The following H6PD variants were observed in gnomAD, a reference collection of about 807,000 sequenced individuals.
H6PD encodes hexose-6-phosphate dehydrogenase/glucose 1-dehydrogenase, also known as GDH/6PGL endoplasmic bifunctional protein.
A neutral mutation model predicts 61.2 loss-of-function variants in H6PD; 48 were observed. The ratio of observed to expected loss-of-function variants is 0.78; its 90% CI spans 0.62 to 1.00. The LOEUF (loss-of-function observed/expected upper bound fraction) is 1.00, where lower values mean the gene tolerates loss of function less well. Among genes scored for constraint, H6PD ranks in the 50% least tolerant of loss-of-function variants. The pLI, the probability that H6PD is intolerant of heterozygous loss-of-function variation, is 0.00. For synonymous variants in H6PD, 480 were observed against 457.9 expected, an observed-to-expected ratio of 1.05 and a Z score of -0.62; for missense variants, 1,093 against 1,065.0, an observed-to-expected ratio of 1.03 and a Z score of -0.37.
intron 1 of H6PD, among the ~76,000 whole-genome samples, chr1:9,239,255 C>T (rs900224945): frequency 5.3e-5 from 8 of 152,138 alleles, no homozygotes; most frequent in African/African-American, 1.9e-4. Context: ...CCATGTTGCC[C>T]AGGCTGGTCT....
intron 3 of H6PD, among the ~76,000 whole-genome samples, chr1:9,258,400 T>G (rs1641593610): frequency 6.6e-6 from 1 of 152,158 alleles, no homozygotes; most frequent in African/African-American, 2.4e-5. Flanking sequence ...CCCAGTGTTG[T>G]TATGTTGTTA....
chr1:9,262,768 T>C (rs1352684014), intron 4 of H6PD, among the ~76,000 whole-genome samples: 1 of 152,166 alleles, frequency 6.6e-6, no homozygotes, highest in East Asian at 1.9e-4. Context: ...AGAGGCTGGC[T>C]CCTCACCAGG....
At chr1:9,251,038 C>A (rs902425845) in intron 3 of H6PD, among the ~76,000 whole-genome samples, 3 of 152,216 alleles carry the variant, frequency 2.0e-5, no homozygotes, top group Non-Finnish European at 4.4e-5. Flanking sequence ...GGTGCTCCTC[C>A]TGTGCGTCCC....
chr1:9,236,119 G>A (rs965001416), intron 1 of H6PD, among the ~76,000 whole-genome samples: 1 of 152,144 alleles, frequency 6.6e-6, no homozygotes, highest in Non-Finnish European at 1.5e-5. Flanking sequence ...CTCCTGAGTG[G>A]CTGGGATTAC....
chr1:9,262,644 T>C (rs1490004310), intron 4 of H6PD, among the ~76,000 whole-genome samples: 1 of 152,170 alleles, frequency 6.6e-6, no homozygotes, highest in African/African-American at 2.4e-5. Context: ...TCATAGGGTC[T>C]CCCCAGTGAG....
At chr1:9,250,111 G>A (rs1397238138) in intron 3 of H6PD, among the ~76,000 whole-genome samples, 1 of 152,050 alleles carries the variant, frequency 6.6e-6, no homozygotes, top group Non-Finnish European at 1.5e-5. Context: ...GACAGGCACC[G>A]CAGACCTGCA....
chr1:9,253,662 C>T (rs1255751887), intron 3 of H6PD, among the ~76,000 whole-genome samples: 1 of 152,200 alleles, frequency 6.6e-6, no homozygotes, highest in Non-Finnish European at 1.5e-5. Flanking sequence ...CGTTGTCTCC[C>T]CAGGCCCTAG....
At chr1:9,244,025 C>G (rs1020964650) in intron 1 of H6PD, among the ~76,000 whole-genome samples, 4 of 152,118 alleles carry the variant, frequency 2.6e-5, no homozygotes, top group African/African-American at 4.8e-5. Flanking sequence ...TTGACCTGAG[C>G]CTCAGCTTTT....
chr1:9,261,332 C>G (rs550104672), intron 3 of H6PD, among the ~76,000 whole-genome samples: 16 of 152,188 alleles, frequency 1.1e-4, no homozygotes, highest in Non-Finnish European at 2.2e-4. Flanking sequence ...TGGCCCCCAG[C>G]ACACCAAGTT....
chr1:9,258,811 G>C (rs144508459), intron 3 of H6PD, among the ~76,000 whole-genome samples: 1 of 152,006 alleles, frequency 6.6e-6, no homozygotes, highest in African/African-American at 2.4e-5. Context: ...TTACATTGCT[G>C]TTGTTACTCT....
At chr1:9,260,959 G>A (rs1435598108) in intron 3 of H6PD, among the ~76,000 whole-genome samples, 3 of 152,042 alleles carry the variant, frequency 2.0e-5, no homozygotes, top group African/African-American at 7.3e-5. Context: ...CAGGGCTCAT[G>A]TTGGGGGCCT....
chr1:9,262,004 C>G (rs2100389156), intron 3 of H6PD, 55 bp from the exon 4 acceptor site: 1 of 1,582,656 alleles, frequency 6.3e-7, no homozygotes, highest in East Asian at 2.2e-5. Context: ...TCGGGGAGAT[C>G]TGATGTTCTG....
At chr1:9,239,297 T>G (rs1640930647) in intron 1 of H6PD, among the ~76,000 whole-genome samples, 1 of 152,154 alleles carries the variant, frequency 6.6e-6, no homozygotes, top group African/African-American at 2.4e-5. Flanking sequence ...TCCTCCCGTC[T>G]CAGTCTCCCA....
At position 9,254,656 on chromosome 1, in the gene H6PD, T is replaced by C. The variant is rs1193309171; in HGVS notation, c.746-7403T>C. On this transcript the variant is annotated intron_variant, in intron 3 of 4. Transcript: ENST00000377403. The surrounding 1 kb of genome is among the most constrained non-coding windows in gnomAD (Gnocchi z 4.6). The stretch of plus-strand genomic sequence containing the variant: ...GCTTCATCTTCCTGAAGTACCTCTT[T>C]CGTGCTTCTGCTTCCCTGTTCTAAA... Among the ~76,000 whole-genome samples, 2 of 152,226 alleles carry C rather than the reference T, an allele frequency of 1.3e-5. No individual in the cohort carries two copies. The highest frequency in any genetic ancestry group is 2.9e-5 in the Non-Finnish European group (2 of 68,038).
In H6PD at chr1:9,265,044, C is replaced by T. The variant is rs2100409514; in HGVS notation, c.*175C>T. 3 of 700,462 alleles carry T rather than the reference C, an allele frequency of 4.3e-6. No homozygotes were observed. Among genetic ancestry groups the T allele is most frequent in the South Asian group, 3.2e-5 (2 of 63,236 alleles). 43.4% of individuals were successfully genotyped at this position (700,462 alleles called of 1,614,324 possible). Reference sequence around the variant, plus strand: ...TTGTCCCGATGCCTTTGACCGGCAGCTCTGTGTATTGGTGGATAGATGCAG... The same window carrying T: ...TTGTCCCGATGCCTTTGACCGGCAGTTCTGTGTATTGGTGGATAGATGCAG... On this transcript the variant is annotated 3_prime_UTR_variant, in exon 5 of 5. Transcript: ENST00000377403.
Position 9,263,603 on chromosome 1 carries a change from G to C in H6PD, c.1110G>C (p.Arg370=), listed in dbSNP as rs754923262. 1 of 1,614,244 alleles carries C rather than the reference G, an allele frequency of 6.2e-7. No homozygotes were observed. Among genetic ancestry groups the C allele is most frequent in the South Asian group, 1.1e-5 (1 of 91,088 alleles). Residue 370 remains arginine (R), a synonymous_variant, in exon 5 of 5, where the codon CGG becomes CGC. Coordinates refer to ENST00000377403, the MANE Select transcript of H6PD (RefSeq NM_004285.4). ...TGGACGAGAGAGTGGGCTACGCTCG[G>C]ATCTTGTTCAAGAACCAGGCCTGCT... The part of the protein sequence containing the change: ...KALDERVGYA[R]ILFKNQACCV...
In H6PD at chr1:9,245,325, G is replaced by A. The variant is rs373092914; in HGVS notation, c.391G>A (p.Ala131Thr). The A allele has an allele frequency of 2.2e-5, 35 of 1,614,036 alleles. No individual in the cohort carries two copies. The highest frequency in any genetic ancestry group is 4.4e-5 in the South Asian group (4 of 91,092). ...NKDIEAQLQH[A>T]GLREAGRIFY... ...GGACATCGAGGCACAGCTCCAGCAC[G>A]CAGGCCTCCGGGAGGCTGGCAGGAT... The change falls in exon 2 of 5, where the codon GCA (alanine) becomes ACA (threonine). Residue 131 changes from alanine to threonine, a missense_variant. Transcript: ENST00000377403. The surrounding 1 kb of genome is among the most constrained non-coding windows in gnomAD (Gnocchi z 4.8).
rs1379105659 is a variant in H6PD, at chr1:9,245,873, C to T, written c.627+312C>T. Among the ~76,000 whole-genome samples, 1 of 152,096 alleles carries T rather than the reference C, an allele frequency of 6.6e-6. No individual in the cohort carries two copies. The highest frequency in any genetic ancestry group is 2.4e-5 in the African/African-American group (1 of 41,420). ...CCCCTGTAGCGGTGGCTCAGCAACT[C>T]TGGTGTCTGGATCTGGCTTCCTGTT... On this transcript the variant is annotated intron_variant, in intron 2 of 4. Transcript: ENST00000377403. The surrounding 1 kb of genome is among the most constrained non-coding windows in gnomAD (Gnocchi z 4.8).
chr1:9,258,412 G>A (rs1304821233), intron 3 of H6PD, among the ~76,000 whole-genome samples: 12 of 152,122 alleles, frequency 7.9e-5, no homozygotes, highest in Admixed American at 7.9e-4. Context: ...ATGTTGTTAT[G>A]TCAGTGTTAA....
Sources: gnomAD v4.1 joint callset for allele counts (sites outside exome capture counted in the v4.1 genomes callset) on GRCh38, gnomAD v4.1.1 for gene constraint, Gnocchi (gnomAD v3.1) non-coding constraint, MANE v1.5 for transcripts, NCBI Gene and HGNC (gene_info 2026-07-23, HGNC 2026-07-21) for gene names.